ZFP91: variants seen among roughly 807,000 people sequenced by gnomAD.
ZFP91 encodes ZFP91 zinc finger protein, atypical E3 ubiquitin ligase, also known as E3 ubiquitin-protein ligase ZFP91.
A neutral mutation model predicts 63.5 loss-of-function variants in ZFP91; 7 were observed. The ratio of observed to expected loss-of-function variants is 0.11; its 90% CI spans 0.06 to 0.21. ZFP91 has a LOEUF of 0.21. Among genes scored for constraint, ZFP91 ranks in the 10% least tolerant of loss-of-function variants. ZFP91 has a pLI of 1.00. For missense variants in ZFP91, 628 were observed against 736.6 expected (o/e 0.85, Z 1.71); for synonymous variants, 330 against 272.1 (o/e 1.21, Z -2.10).
intron 8 of ZFP91, among the ~76,000 whole-genome samples, chr11:58,613,397 C>T (rs143406041): frequency 5.9e-5 from 9 of 152,200 alleles, no homozygotes; most frequent in African/African-American, 1.9e-4. Context: ...CCCATTAGGT[C>T]CCGCCTTCCA....
chr11:58,610,086 C>A, intron 3 of ZFP91, 47 bp downstream of exon 3: 1 of 1,591,208 alleles, frequency 6.3e-7, no homozygotes. Context: ...GTTGCTGTTA[C>A]ATTTTAAATG....
chr11:58,614,614 A>C (rs545196526), intron 9 of ZFP91, among the ~76,000 whole-genome samples: 1 of 152,316 alleles, frequency 6.6e-6, no homozygotes, highest in South Asian at 2.1e-4. Context: ...TGGACTAAAT[A>C]CGTTATGTAT....
chr11:58,579,430 T>C lies in ZFP91; in HGVS notation c.149T>C (p.Leu50Pro). 12 of 1,444,816 alleles carry C rather than the reference T, an allele frequency of 8.3e-6. No homozygotes were observed. The highest frequency in any genetic ancestry group is 1.1e-5 in the Non-Finnish European group (12 of 1,107,706). 89.5% of individuals were successfully genotyped at this position (1,444,816 alleles called of 1,614,324 possible). The change falls in exon 1 of 11, where the codon CTG (leucine) becomes CCG (proline). Residue 50 changes from leucine (L) to proline (P), a missense_variant. Physicochemically the swap from Leu to Pro is moderately conservative, Grantham distance 98 (BLOSUM62 -3). This residue lies in a region of ZFP91 where 437 missense variants were observed against 380.3 expected (regional missense o/e 1.15). Coordinates refer to ENST00000316059, the MANE Select transcript of ZFP91 (RefSeq NM_053023.5). The part of the protein sequence containing the change: ...APAGTTSSRV[L>P]RGGRDRGRAA... ...GCAGGGACCACTAGCAGCCGCGTGCTGAGGGGAGGTCGGGACCGAGGCCGG... is the reference window on the plus strand; with the variant it reads ...GCAGGGACCACTAGCAGCCGCGTGCCGAGGGGAGGTCGGGACCGAGGCCGG...
chr11:58,599,153 G>T (rs539763426), intron 2 of ZFP91, among the ~76,000 whole-genome samples: 21 of 151,938 alleles, frequency 1.4e-4, no homozygotes, highest in Non-Finnish European at 2.5e-4. Context: ...TTTATGGCTG[G>T]ATAAAAATTT....
intron 6 of ZFP91, 93 bp from the exon 7 acceptor site, chr11:58,612,185 T>G: frequency 7.9e-7 from 1 of 1,270,498 alleles, no homozygotes; most frequent in Admixed American, 2.2e-5. Context: ...CACTTGTTCT[T>G]TGGCCGTGTG....
intron 2 of ZFP91, among the ~76,000 whole-genome samples, chr11:58,588,591 T>C (rs1855250694): frequency 6.6e-6 from 1 of 152,182 alleles, no homozygotes; most frequent in Non-Finnish European, 1.5e-5. Flanking sequence ...TTGAAATATC[T>C]TTGATTATCG....
intron 2 of ZFP91, among the ~76,000 whole-genome samples, chr11:58,605,083 T>C (rs1218874479): frequency 6.6e-6 from 1 of 152,194 alleles, no homozygotes; most frequent in Admixed American, 6.5e-5. Context: ...TCTCTTTTCA[T>C]TTTCTGTATA....
intron 1 of ZFP91, 84 bp from the exon 2 acceptor site, chr11:58,584,772 C>T: frequency 8.0e-7 from 1 of 1,247,770 alleles, no homozygotes; most frequent in South Asian, 1.5e-5. Flanking sequence ...CTTTATCACT[C>T]TGGAGGTGAA....
intron 5 of ZFP91, chr11:58,611,330 A>T (rs1246986296): frequency 2.0e-6 from 1 of 491,032 alleles, no homozygotes; most frequent in Admixed American, 3.8e-5. Context: ...AATACTTAGA[A>T]TTTTTTAACT....
chr11:58,611,461 G>A, intron 5 of ZFP91, 143 bp from the exon 6 acceptor site: 1 of 1,103,796 alleles, frequency 9.1e-7, no homozygotes. Flanking sequence ...TGCATGTGAG[G>A]ATGATTGGTA....
chr11:58,592,479 G>A (rs1855324070), intron 2 of ZFP91, among the ~76,000 whole-genome samples: 2 of 152,116 alleles, frequency 1.3e-5, no homozygotes, highest in South Asian at 4.1e-4. Context: ...ATGTTCTAAG[G>A]TATCAAACAG....
intron 4 of ZFP91, 24 bp from the exon 5 acceptor site, chr11:58,610,926 T>A (rs1590627977): frequency 6.2e-7 from 1 of 1,601,668 alleles, no homozygotes; most frequent in Non-Finnish European, 8.5e-7. Flanking sequence ...CCAGAATGTC[T>A]CATTTCTATT....
At chr11:58,593,516 G>T (rs959525571) in intron 2 of ZFP91, among the ~76,000 whole-genome samples, 7 of 152,190 alleles carry the variant, frequency 4.6e-5, no homozygotes, top group Non-Finnish European at 1.0e-4. Flanking sequence ...CAAAACTGCT[G>T]CTGGAAGAGA....
intron 2 of ZFP91, among the ~76,000 whole-genome samples, chr11:58,598,759 TGTGTGTGTGTG>T (rs1855445635): frequency 6.7e-6 from 1 of 148,200 alleles, no homozygotes; most frequent in Non-Finnish European, 1.5e-5. Flanking sequence ...CGTGTGTGTG[TGTGTGTGTGTG>T]TGTGTGTGTG....
intron 6 of ZFP91, 84 bp from the exon 7 acceptor site, chr11:58,612,190 CGTGT>C (rs139680226): frequency 4.4e-4 from 518 of 1,184,292 alleles, no homozygotes; most frequent in South Asian, 6.2e-4. Context: ...GTTCTTTGGC[CGTGT>C]GTGTGTGTGT....
chr11:58,603,058 G>A lies in ZFP91; in HGVS notation c.371-6772G>A, dbSNP rs183313997. ...GAAATATGAGTGTTAAAGGCAGTCT[G>A]ATGAGGCCTTAGAAGGAAATGATGA... On this transcript the variant is annotated intron_variant, in intron 2 of 10. Transcript: ENST00000316059. Among the ~76,000 whole-genome samples, 466 of 152,304 alleles carry A rather than the reference G, an allele frequency of 3.1e-3. 2 individuals are homozygous for A. The highest frequency in any genetic ancestry group is 0.011 in the African/African-American group (449 of 41,578).
intron 2 of ZFP91, among the ~76,000 whole-genome samples, chr11:58,599,361 C>CT (rs1393362649): frequency 4.6e-5 from 7 of 151,976 alleles, no homozygotes; most frequent in Admixed American, 1.3e-4. Context: ...AATTCTGTGT[C>CT]TAAGTTTTTC....
At chr11:58,584,927 T>C in intron 2 of ZFP91, 43 bp downstream of exon 2, 1 of 1,403,584 alleles carries the variant, frequency 7.1e-7, no homozygotes, top group Non-Finnish European at 9.4e-7. Context: ...ATTACACTGA[T>C]TATCTTTTAA....
chr11:58,598,158 G>A (rs913676499), intron 2 of ZFP91, among the ~76,000 whole-genome samples: 2 of 152,062 alleles, frequency 1.3e-5, no homozygotes, highest in African/African-American at 2.4e-5. Flanking sequence ...ACATCTTTAC[G>A]TTTCTTTACA....
Sources: allele counts gnomAD v4.1 joint callset (sites outside exome capture counted in the v4.1 genomes callset), GRCh38; gene constraint gnomAD v4.1.1; regional missense constraint gnomAD v4.1.1; transcripts MANE v1.5; gene names NCBI Gene and HGNC (gene_info 2026-07-23, HGNC 2026-07-21).